The following AGPAT3 variants were observed in gnomAD, a reference collection of about 807,000 sequenced individuals.
The protein encoded by AGPAT3 is 1-acylglycerol-3-phosphate O-acyltransferase 3.
AGPAT3 carries 5 observed loss-of-function variants against 47.3 expected under a neutral mutation model. The observed-to-expected ratio is 0.11, with a 90% CI of 0.06 to 0.22. The LOEUF is 0.22. AGPAT3 is among the 10% of genes least tolerant of loss of function. The probability of loss-of-function intolerance (pLI) is 1.00; values close to 1 mark genes in which losing one functional copy is unlikely to be tolerated. For missense variants in AGPAT3, 315 were observed against 493.0 expected, an observed-to-expected ratio of 0.64 and a Z score of 3.42; for synonymous variants, 212 against 208.3, an observed-to-expected ratio of 1.02 and a Z score of -0.15.
intron 1 of AGPAT3, among the ~76,000 whole-genome samples, chr21:43,868,529 CG>C (rs1396485514): frequency 6.6e-6 from 1 of 151,904 alleles, no homozygotes; most frequent in African/African-American, 2.4e-5. Context: ...TTTCTGAAAG[CG>C]GGTAGAGAAT....
rs181279200 is a variant in AGPAT3, at chr21:43,961,054, T to A, written c.178+1195T>A. On this transcript the variant is annotated intron_variant, in intron 3 of 9. Coordinates refer to ENST00000291572, the MANE Select transcript of AGPAT3 (RefSeq NM_020132.5). ...ACTCGGGAGGCTGAGGCAGGAGAAC[T>A]GCTTGAACCTGGGAGGTGGAGGCTG... Among the ~76,000 whole-genome samples, 19 of 151,786 alleles carry A rather than the reference T, an allele frequency of 1.3e-4. No homozygotes were observed. The East Asian group carries it at 3.7e-3, about 29-fold the overall frequency.
chr21:43,974,276 TA>T (rs1179891600), intron 7 of AGPAT3, among the ~76,000 whole-genome samples: 1 of 152,118 alleles, frequency 6.6e-6, no homozygotes, highest in Admixed American at 6.6e-5. Context: ...GGTATGTGTG[TA>T]AAAATTTGTA....
At chr21:43,910,807 A>G (rs765156973) in intron 2 of AGPAT3, among the ~76,000 whole-genome samples, 2 of 152,238 alleles carry the variant, frequency 1.3e-5, no homozygotes, top group Non-Finnish European at 2.9e-5. Context: ...CTTAAGAAAC[A>G]AATCTCATCA....
intron 2 of AGPAT3, among the ~76,000 whole-genome samples, chr21:43,909,663 C>CCAG: frequency 1.3e-5 from 2 of 152,146 alleles, no homozygotes; most frequent in Admixed American, 1.3e-4. Flanking sequence ...AAAGGTATCC[C>CCAG]GACGGTGCTG....
intron 8 of AGPAT3, 90 bp from the exon 9 acceptor site, chr21:43,980,899 C>G: frequency 7.9e-7 from 1 of 1,271,556 alleles, no homozygotes; most frequent in South Asian, 1.3e-5. Flanking sequence ...TAGGTTGAGT[C>G]GTTTTTCATT....
At position 43,952,633 on chromosome 21, in the gene AGPAT3, G is replaced by A. The variant is rs2146511564; in HGVS notation, c.-48-7001G>A. On this transcript the variant is annotated intron_variant, in intron 2 of 9. Coordinates refer to ENST00000291572, the MANE Select transcript of AGPAT3 (RefSeq NM_020132.5). This position sits in a 1 kb window ranked among gnomAD's most constrained non-coding sequence, Gnocchi z 5.6. ...CAGGACCAAGATGTGCTGGCGCCAGGCTTCCGGGCAACCTAAATCTGTTGT... is the reference window on the plus strand; with the variant it reads ...CAGGACCAAGATGTGCTGGCGCCAGACTTCCGGGCAACCTAAATCTGTTGT... Among the ~76,000 whole-genome samples the A allele has an allele frequency of 6.6e-6, 1 of 152,300 alleles. No individual in the cohort carries two copies. The highest frequency in any genetic ancestry group is 6.5e-5 in the Admixed American group (1 of 15,302).
intron 2 of AGPAT3, among the ~76,000 whole-genome samples, chr21:43,927,942 C>T (rs1175363238): frequency 2.6e-5 from 4 of 152,136 alleles, no homozygotes; most frequent in East Asian, 1.9e-4. Flanking sequence ...CAAGTTAGAA[C>T]GCCTTGCCCC....
chr21:43,940,217 G>A (rs535758120), intron 2 of AGPAT3, among the ~76,000 whole-genome samples: 57 of 152,366 alleles, frequency 3.7e-4, no homozygotes, highest in Non-Finnish European at 7.2e-4. Flanking sequence ...CCTTCTCGCC[G>A]GCTTCAGGCA....
At position 43,954,894 on chromosome 21, in the gene AGPAT3, G is replaced by A. The variant is rs748731960; in HGVS notation, c.-48-4740G>A. 8.8e-5 allele frequency: 44 copies of A among 499,092 alleles called. No homozygotes were observed. The highest frequency in any genetic ancestry group is 1.9e-4 in the African/African-American group (9 of 47,660). The allele number at this position is 499,092 out of a possible 1,614,324, so 30.9% of individuals were successfully genotyped here. On this transcript the variant is annotated intron_variant, in intron 2 of 9. Coordinates refer to ENST00000291572, the MANE Select transcript of AGPAT3 (RefSeq NM_020132.5). The surrounding 1 kb of genome is among the most constrained non-coding windows in gnomAD (Gnocchi z 4.0). The stretch of plus-strand genomic sequence containing the variant: ...GCCAGAGGGCAGGCGTGGGCTCTCC[G>A]GGGAGTCTCTGCGTAGACTTTCTAG...
At chr21:43,885,987 A>G (rs1000280895) in intron 1 of AGPAT3, among the ~76,000 whole-genome samples, 22 of 152,208 alleles carry the variant, frequency 1.4e-4, no homozygotes, top group African/African-American at 5.1e-4. Context: ...GGGGCTCCAA[A>G]TACAGGCAGG....
At chr21:43,977,171 C>T (rs1241582311) in intron 7 of AGPAT3, among the ~76,000 whole-genome samples, 2 of 152,118 alleles carry the variant, frequency 1.3e-5, no homozygotes, top group African/African-American at 2.4e-5. Context: ...TAGATTAGCA[C>T]TTAATCTTGG....
rs531970687 is a variant in AGPAT3 at position 43,877,323 on chromosome 21, G to A, written c.-112+11978G>A. On this transcript the variant is annotated intron_variant, in intron 1 of 9. Coordinates refer to ENST00000291572, the MANE Select transcript of AGPAT3 (RefSeq NM_020132.5). ...GGCTTTCTTCAGATGACTTGTATTC[G>A]GTAGCTGAAGAACTGCTGTACATAT... Among the ~76,000 whole-genome samples the A allele has an allele frequency of 3.4e-4, 52 of 152,290 alleles. 1 individual carries two copies. Among genetic ancestry groups the A allele is most frequent in the Admixed American group, 2.9e-3 (44 of 15,296 alleles).
At chr21:43,866,720 T>G (rs2085515524) in intron 1 of AGPAT3, 1 of 152,316 alleles carries the variant, frequency 6.6e-6, no homozygotes, top group Admixed American at 6.5e-5. Flanking sequence ...TGCATGCCAT[T>G]GACATTCAGA....
At chr21:43,948,762 CTAAATACAATAGAAATA>C (rs1479818474) in intron 2 of AGPAT3, among the ~76,000 whole-genome samples, 3 of 152,144 alleles carry the variant, frequency 2.0e-5, no homozygotes, top group Admixed American at 2.0e-4. Context: ...TTATCAGTAT[CTAAATACAATAGAAATA>C]TAAATACAAT....
rs571653412 is a variant in AGPAT3, at chr21:43,932,646, A to G, written c.-48-26988A>G. On this transcript the variant is annotated intron_variant, in intron 2 of 9. Transcript: ENST00000291572. This position sits in a 1 kb window ranked among gnomAD's most constrained non-coding sequence, Gnocchi z 5.2. ...CCCAGAAGTGGGATTGCCGGACCTT[A>G]TGGTAGTTCCTTTTGTTTTCTTGAG... Among the ~76,000 whole-genome samples, 13 of 151,986 alleles carry G rather than the reference A, an allele frequency of 8.6e-5. No homozygotes were observed. The highest frequency in any genetic ancestry group is 2.6e-4 in the Admixed American group (4 of 15,284).
chr21:43,923,150 G>A (rs1181855974), intron 2 of AGPAT3, among the ~76,000 whole-genome samples: 1 of 151,888 alleles, frequency 6.6e-6, no homozygotes, highest in Admixed American at 6.6e-5. Context: ...GCAGCCTCGG[G>A]GACCTGTGCT....
At chr21:43,904,806 C>G (rs565637948) in intron 2 of AGPAT3, among the ~76,000 whole-genome samples, 29 of 152,332 alleles carry the variant, frequency 1.9e-4, no homozygotes, top group Admixed American at 3.3e-4. Context: ...CCTTCTCCCA[C>G]TGTGGCTGCT....
chr21:43,947,508 T>A (rs1488961282), intron 2 of AGPAT3, among the ~76,000 whole-genome samples: 1 of 152,148 alleles, frequency 6.6e-6, no homozygotes, highest in East Asian at 1.9e-4. Context: ...CTTCACTGAG[T>A]CCAAAGTCAC....
intron 2 of AGPAT3, among the ~76,000 whole-genome samples, chr21:43,957,830 C>T (rs2088564313): frequency 6.6e-6 from 1 of 152,090 alleles, no homozygotes; most frequent in South Asian, 2.1e-4. Context: ...CTCGGGTTTC[C>T]CCCTCCACAC....
Sources: allele counts gnomAD v4.1 joint callset (sites outside exome capture counted in the v4.1 genomes callset), GRCh38; gene constraint gnomAD v4.1.1; non-coding constraint Gnocchi (gnomAD v3.1); transcripts MANE v1.5; gene names NCBI Gene and HGNC (gene_info 2026-07-23, HGNC 2026-07-21).